Variants in GALNT13 observed in about 807,000 individuals in gnomAD.
GALNT13 encodes the protein UDP-GalNAc:polypeptide N-acetylgalactosaminyltransferase 13.
GALNT13 carries 28 observed loss-of-function variants against 64.2 expected under a neutral mutation model. That is an observed-to-expected ratio of 0.44 (90% CI 0.32 to 0.60). The LOEUF (loss-of-function observed/expected upper bound fraction) is 0.60, where lower values mean the gene tolerates loss of function less well. GALNT13 is among the 20% of genes least tolerant of loss of function. The pLI, the probability that GALNT13 is intolerant of heterozygous loss-of-function variation, is 0.05. For synonymous variants in GALNT13, 214 were observed against 224.6 expected (o/e 0.95, Z 0.42); for missense variants, 577 against 669.8 (o/e 0.86, Z 1.53).
the GALNT13 span, among the ~76,000 whole-genome samples, chr2:153,654,192 A>G: frequency 6.6e-6 from 1 of 152,168 alleles, no homozygotes; most frequent in African/African-American, 2.4e-5. Context: ...TGCAGAAAAC[A>G]TTACAAAACA....
chr2:153,411,895 T>C, the GALNT13 span, among the ~76,000 whole-genome samples: 2 of 152,204 alleles, frequency 1.3e-5, no homozygotes, highest in African/African-American at 2.4e-5. Context: ...TTGATGTGTC[T>C]GTGAGGGTGT....
the GALNT13 span, among the ~76,000 whole-genome samples, chr2:153,404,526 C>T: frequency 4.8e-5 from 7 of 146,140 alleles, no homozygotes; most frequent in East Asian, 2.0e-4. Context: ...TTTTTTTTTA[C>T]TTTAGAAAAA....
chr2:153,567,711 T>G, the GALNT13 span, among the ~76,000 whole-genome samples: 2 of 152,162 alleles, frequency 1.3e-5, no homozygotes, highest in Non-Finnish European at 2.9e-5. Flanking sequence ...TAACGAGAAC[T>G]GGGTGGTTAG....
chr2:153,519,846 A>G, the GALNT13 span, among the ~76,000 whole-genome samples: 18 of 152,266 alleles, frequency 1.2e-4, no homozygotes, highest in African/African-American at 4.1e-4. Flanking sequence ...TAGCACTTCA[A>G]GTTTAGTATT....
intron 11 of GALNT13, among the ~76,000 whole-genome samples, chr2:154,415,698 C>T (rs2105409240): frequency 6.6e-6 from 1 of 152,186 alleles, no homozygotes; most frequent in African/African-American, 2.4e-5. Flanking sequence ...TAAACAAATA[C>T]TTTGTTTCAT....
intron 11 of GALNT13, among the ~76,000 whole-genome samples, chr2:154,420,132 T>G (rs1368399285): frequency 2.0e-5 from 3 of 151,924 alleles, no homozygotes; most frequent in African/African-American, 4.8e-5. Flanking sequence ...CCCCACTACA[T>G]ACACACACAC....
intron 4 of GALNT13, among the ~76,000 whole-genome samples, chr2:154,151,914 C>A (rs921049763): frequency 1.4e-4 from 22 of 152,186 alleles, no homozygotes; most frequent in Admixed American, 1.4e-3. Context: ...TTAATTGGAG[C>A]ATTTAGCCCA....
chr2:153,936,694 A>G (rs1413474356), intron 2 of GALNT13, among the ~76,000 whole-genome samples: 2 of 152,058 alleles, frequency 1.3e-5, no homozygotes, highest in Middle Eastern at 3.2e-3. Context: ...ATCAATAATG[A>G]GCAGAACAGG....
the GALNT13 span, among the ~76,000 whole-genome samples, chr2:153,501,628 G>A: frequency 1.2e-4 from 19 of 152,162 alleles, 1 homozygote; most frequent in South Asian, 3.9e-3. Context: ...CTCCGCACCC[G>A]GCCACCTCCT....
At chr2:153,805,132 A>T in the GALNT13 span, among the ~76,000 whole-genome samples, 2 of 151,948 alleles carry the variant, frequency 1.3e-5, no homozygotes, top group East Asian at 3.9e-4. Flanking sequence ...AATGAGAAAA[A>T]TTTAAAAAGA....
chr2:154,101,179 A>G (rs66828650), intron 3 of GALNT13, among the ~76,000 whole-genome samples: 28,705 of 144,902 alleles, frequency 0.2, 3,387 homozygotes, highest in Non-Finnish European at 0.27. Flanking sequence ...TTGTTGTTGT[A>G]TCCTTCCCTG....
Position 154,305,470 on chromosome 2 carries a change from A to G in GALNT13, c.1156+3881A>G, listed in dbSNP as rs375946163. ...TATTGAGCTTCTCAGAACTTCCTTAACATGGTGAAATAAATAATACTTGTT... is the reference window on the plus strand; with the variant it reads ...TATTGAGCTTCTCAGAACTTCCTTAGCATGGTGAAATAAATAATACTTGTT... On this transcript the variant is annotated intron_variant, in intron 9 of 12. Coordinates refer to ENST00000392825, the MANE Select transcript of GALNT13 (RefSeq NM_052917.4). 5.3e-5 allele frequency among the ~76,000 whole-genome samples: 8 copies of G among 152,310 alleles called. No homozygotes were observed. In the East Asian group the frequency reaches 1.5e-3, roughly 29 times the overall value.
chr2:153,918,496 C>T (rs1209141368), intron 2 of GALNT13, among the ~76,000 whole-genome samples: 2 of 152,118 alleles, frequency 1.3e-5, no homozygotes, highest in South Asian at 2.1e-4. Flanking sequence ...CCACTCTTCT[C>T]CCTTCCTTCT....
At chr2:153,598,599 C>T in the GALNT13 span, among the ~76,000 whole-genome samples, 1 of 152,046 alleles carries the variant, frequency 6.6e-6, no homozygotes, top group Non-Finnish European at 1.5e-5. Flanking sequence ...TCATCCACTG[C>T]TAACAATATC....
chr2:153,608,943 G>T, the GALNT13 span, among the ~76,000 whole-genome samples: 1 of 145,704 alleles, frequency 6.9e-6, no homozygotes, highest in African/African-American at 2.5e-5. Context: ...TGGAGGTAGG[G>T]TCTTGCTCTG....
the GALNT13 span, among the ~76,000 whole-genome samples, chr2:153,789,370 A>G: frequency 6.6e-6 from 1 of 152,182 alleles, no homozygotes; most frequent in Non-Finnish European, 1.5e-5. Flanking sequence ...ATTAAGGCAG[A>G]AATCAAGAAG....
intron 8 of GALNT13, among the ~76,000 whole-genome samples, chr2:154,278,107 T>C (rs1691758690): frequency 6.6e-6 from 1 of 152,210 alleles, no homozygotes; most frequent in African/African-American, 2.4e-5. Context: ...TAAAATCCTA[T>C]ATTTTAGTTG....
the GALNT13 span, among the ~76,000 whole-genome samples, chr2:153,117,191 C>T: frequency 6.6e-6 from 1 of 152,088 alleles, no homozygotes; most frequent in Admixed American, 6.6e-5. Context: ...TTGCTTGAAA[C>T]ACAGGCCTCT....
the GALNT13 span, among the ~76,000 whole-genome samples, chr2:153,306,116 C>G: frequency 6.6e-6 from 1 of 152,178 alleles, no homozygotes; most frequent in Non-Finnish European, 1.5e-5. Context: ...TTATGACCCA[C>G]ATGCTTTGAG....
Sources: gnomAD v4.1 joint callset for allele counts (sites outside exome capture counted in the v4.1 genomes callset) on GRCh38, gnomAD v4.1.1 for gene constraint, MANE v1.5 for transcripts, NCBI Gene and HGNC (gene_info 2026-07-23, HGNC 2026-07-21) for gene names.